CRIM1: variants seen among roughly 807,000 people sequenced by gnomAD.
The protein encoded by CRIM1 is cysteine rich transmembrane BMP regulator 1, also known as cysteine-rich motor neuron 1 protein.
A neutral mutation model predicts 116.4 loss-of-function variants in CRIM1; 32 were observed. That is an observed-to-expected ratio of 0.27 (90% CI 0.21 to 0.37). CRIM1 has a LOEUF of 0.37. CRIM1 is among the 10% of genes least tolerant of loss of function. CRIM1 has a pLI of 1.00. For missense variants in CRIM1, 1,331 were observed against 1,354.8 expected, an observed-to-expected ratio of 0.98 and a Z score of 0.28; for synonymous variants, 590 against 509.2, an observed-to-expected ratio of 1.16 and a Z score of -2.13.
At chr2:36,509,834 C>A in intron 8 of CRIM1, 149 bp from the exon 9 acceptor site, 1 of 661,346 alleles carries the variant, frequency 1.5e-6, no homozygotes, top group Non-Finnish European at 2.5e-6. Context: ...ATAGCACAGT[C>A]TATGCTTTTT....
rs1290054022 is a variant in CRIM1, at chr2:36,470,831, C to T, written c.992-6058C>T. On this transcript the variant is annotated intron_variant, in intron 5 of 16. Transcript: ENST00000280527. ...GATTAGCTGCTGTAGATAGTCATTC[C>T]TCTGATGGATCAGAACTAAATCAAT... is the stretch of plus-strand genomic sequence containing the variant. Among the ~76,000 whole-genome samples the T allele has an allele frequency of 1.2e-4, 19 of 152,270 alleles. No individual in the cohort carries two copies. In the East Asian group the frequency reaches 3.1e-3, roughly 25 times the overall value.
At chr2:36,535,827 A>C (rs1306966142) in intron 13 of CRIM1, among the ~76,000 whole-genome samples, 1 of 152,276 alleles carries the variant, frequency 6.6e-6, no homozygotes, top group East Asian at 1.9e-4. Context: ...AAATTTCAAA[A>C]TATAGTATAA....
At position 36,479,508 on chromosome 2, in the gene CRIM1, C is replaced by A; in HGVS notation, c.1186C>A (p.Pro396Thr). The change falls in exon 7 of 17, where the codon CCT becomes ACT. Residue 396 changes from proline (P) to threonine (T), a missense_variant. Pro to Thr is a conservative substitution (Grantham distance 38). Around this residue, in one of 3 missense-constraint regions of CRIM1, gnomAD observed 690 missense variants for 676.0 expected, o/e 1.02. Coordinates refer to ENST00000280527, the MANE Select transcript of CRIM1 (RefSeq NM_016441.3). The part of the protein sequence containing the change: ...CCPVCEDPVY[P>T]FNNPAGCYAN... ...ATGTTCTCATTTAGATCCAGTGTAT[C>A]CTTTTAATAATCCCGCTGGCTGCTA... 1 of 1,614,190 alleles carries A rather than the reference C, an allele frequency of 6.2e-7. No homozygotes were observed. The highest frequency in any genetic ancestry group is 8.5e-7 in the Non-Finnish European group (1 of 1,180,012).
intron 1 of CRIM1, among the ~76,000 whole-genome samples, chr2:36,375,113 TGTATGCTTTGCATATGCC>T (rs370460716): frequency 4.1e-4 from 62 of 152,240 alleles, no homozygotes; most frequent in African/African-American, 9.6e-4. Context: ...ATTTGCAACT[TGTATGCTTTGCATATGCC>T]GTATGCTTTG....
chr2:36,454,071 T>G (rs1295192012), intron 4 of CRIM1, among the ~76,000 whole-genome samples: 1 of 152,200 alleles, frequency 6.6e-6, no homozygotes, highest in Non-Finnish European at 1.5e-5. Flanking sequence ...CTTTCCTGTT[T>G]CTTACAAGTG....
chr2:36,467,082 CTTA>C (rs1213335749), intron 5 of CRIM1, among the ~76,000 whole-genome samples: 5 of 152,204 alleles, frequency 3.3e-5, no homozygotes, highest in African/African-American at 1.2e-4. Flanking sequence ...TTTATTGCCA[CTTA>C]TTATAGAGCC....
At chr2:36,484,198 GGCTAAT>G (rs1237120823) in intron 7 of CRIM1, among the ~76,000 whole-genome samples, 1 of 152,218 alleles carries the variant, frequency 6.6e-6, no homozygotes, top group Admixed American at 6.5e-5. Flanking sequence ...GACCCTCTAA[GGCTAAT>G]GCTTGCTGCC....
chr2:36,446,178 T>G (rs988902917), intron 4 of CRIM1, among the ~76,000 whole-genome samples: 1 of 152,210 alleles, frequency 6.6e-6, no homozygotes, highest in Non-Finnish European at 1.5e-5. Context: ...TTGTGGACTT[T>G]TCTCCCCTAT....
intron 2 of CRIM1, among the ~76,000 whole-genome samples, chr2:36,434,168 T>TA (rs1675111843): frequency 6.6e-6 from 1 of 152,226 alleles, no homozygotes; most frequent in Non-Finnish European, 1.5e-5. Context: ...ACATACGTAT[T>TA]ACATTTGTAA....
intron 2 of CRIM1, among the ~76,000 whole-genome samples, chr2:36,432,472 A>T (rs1439923066): frequency 6.6e-6 from 1 of 152,200 alleles, no homozygotes; most frequent in East Asian, 1.9e-4. Context: ...CTCTGAACTC[A>T]GTAAATATTT....
At chr2:36,458,484 A>G (rs1677318459) in intron 4 of CRIM1, among the ~76,000 whole-genome samples, 1 of 152,190 alleles carries the variant, frequency 6.6e-6, no homozygotes, top group Non-Finnish European at 1.5e-5. Flanking sequence ...GGTCTGAAAC[A>G]TGCCTAGTGG....
intron 7 of CRIM1, among the ~76,000 whole-genome samples, chr2:36,490,232 A>G (rs1003817606): frequency 4.6e-5 from 7 of 152,238 alleles, no homozygotes; most frequent in Non-Finnish European, 7.3e-5. Context: ...CATGACATCA[A>G]TAATTACAAC....
chr2:36,528,021 T>C (rs929562221), intron 13 of CRIM1, among the ~76,000 whole-genome samples: 3 of 152,040 alleles, frequency 2.0e-5, no homozygotes, highest in Non-Finnish European at 4.4e-5. Context: ...AATAATAATA[T>C]TGTCCTGTGC....
chr2:36,517,774 CTG>C (rs1665127290), intron 12 of CRIM1, among the ~76,000 whole-genome samples: 1 of 152,234 alleles, frequency 6.6e-6, no homozygotes, highest in East Asian at 1.9e-4. Flanking sequence ...AAAAAGGAGA[CTG>C]TTGCTCTTGC....
At chr2:36,492,926 T>C (rs141277366) in intron 7 of CRIM1, among the ~76,000 whole-genome samples, 4 of 152,256 alleles carry the variant, frequency 2.6e-5, no homozygotes, top group African/African-American at 7.2e-5. Flanking sequence ...AAAGCATAAT[T>C]GTTCATTTTT....
At chr2:36,479,436 A>G in intron 6 of CRIM1, 61 bp from the exon 7 acceptor site, 7 of 1,516,490 alleles carry the variant, frequency 4.6e-6, no homozygotes, top group South Asian at 1.1e-5. Flanking sequence ...GTCTCTGGGT[A>G]CTGACAGAGA....
intron 1 of CRIM1, among the ~76,000 whole-genome samples, chr2:36,381,744 G>A (rs1379024859): frequency 2.6e-5 from 4 of 152,160 alleles, no homozygotes; most frequent in Admixed American, 1.3e-4. Flanking sequence ...CCGAGATTAC[G>A]CTACTGTACT....
At chr2:36,380,718 C>A (rs939060269) in intron 1 of CRIM1, among the ~76,000 whole-genome samples, 28 of 152,186 alleles carry the variant, frequency 1.8e-4, no homozygotes, top group African/African-American at 6.0e-4. Flanking sequence ...TATTTCTGTT[C>A]GTTAGCCAAA....
intron 1 of CRIM1, among the ~76,000 whole-genome samples, chr2:36,393,193 CG>C (rs904972777): frequency 6.6e-6 from 1 of 152,092 alleles, no homozygotes; most frequent in Admixed American, 6.5e-5. Context: ...TAGAGCTGAA[CG>C]GGGGGAAGAG....
Sources: allele counts gnomAD v4.1 joint callset (sites outside exome capture counted in the v4.1 genomes callset), GRCh38; gene constraint gnomAD v4.1.1; regional missense constraint gnomAD v4.1.1; transcripts MANE v1.5; gene names NCBI Gene and HGNC (gene_info 2026-07-23, HGNC 2026-07-21).